ARPP21: variants seen among roughly 807,000 people sequenced by gnomAD.
ARPP21 encodes cAMP-regulated phosphoprotein 21.
In ARPP21, 69 loss-of-function variants were observed where a neutral mutation model predicts 113.2. The observed-to-expected ratio is 0.61, with a 90% CI of 0.50 to 0.74. The LOEUF (loss-of-function observed/expected upper bound fraction) is 0.74, where lower values mean the gene tolerates loss of function less well. Among genes scored for constraint, ARPP21 ranks in the 30% least tolerant of loss-of-function variants. The probability of loss-of-function intolerance (pLI) is 0.00; values close to 1 mark genes in which losing one functional copy is unlikely to be tolerated. For synonymous variants in ARPP21, 368 were observed against 375.5 expected (o/e 0.98, Z 0.23); for missense variants, 1,070 against 1,037.4 (o/e 1.03, Z -0.43).
intron 19 of ARPP21, among the ~76,000 whole-genome samples, chr3:35,776,709 T>G (rs2096380075): frequency 6.6e-6 from 1 of 152,130 alleles, no homozygotes; most frequent in Non-Finnish European, 1.5e-5. Flanking sequence ...GAGACCTCAA[T>G]TTTCTCCGAA....
chr3:35,780,757 C>T (rs1054367094), intron 19 of ARPP21, among the ~76,000 whole-genome samples: 3 of 152,070 alleles, frequency 2.0e-5, no homozygotes, highest in Admixed American at 1.3e-4. Context: ...AGAATCTAAG[C>T]GTCTGGGCAT....
chr3:35,758,508 T>C (rs2095651673), intron 19 of ARPP21, among the ~76,000 whole-genome samples: 1 of 152,020 alleles, frequency 6.6e-6, no homozygotes, highest in Non-Finnish European at 1.5e-5. Context: ...CTCTTTGAGT[T>C]GGAGTCTACC....
chr3:35,697,455 A>C (rs1348900107), intron 9 of ARPP21, among the ~76,000 whole-genome samples: 1 of 151,668 alleles, frequency 6.6e-6, no homozygotes, highest in Non-Finnish European at 1.5e-5. Flanking sequence ...TATGTTCCAG[A>C]AAGGATGAGT....
chr3:35,759,674 CTCTG>C (rs1198827528), intron 19 of ARPP21, among the ~76,000 whole-genome samples: 6 of 130,586 alleles, frequency 4.6e-5, no homozygotes, highest in South Asian at 2.5e-4. Flanking sequence ...CATTTTCTCT[CTCTG>C]TGTGTGTGTG....
chr3:35,685,112 C>G (rs2080160638), intron 5 of ARPP21: 1 of 985,304 alleles, frequency 1.0e-6, no homozygotes, highest in Non-Finnish European at 1.2e-6. Context: ...TTGTCCCCCA[C>G]TCCTAATGCC....
intron 11 of ARPP21, 25 bp from the exon 12 acceptor site, chr3:35,715,414 C>A (rs1297431688): frequency 2.5e-6 from 4 of 1,609,526 alleles, no homozygotes; most frequent in Non-Finnish European, 3.4e-6. Flanking sequence ...AACTTCTGAT[C>A]CAATGCCTTT....
In ARPP21 at chr3:35,739,421, G is replaced by A. The variant is rs2150754221; in HGVS notation, c.1854G>A (p.Met618Ile). 1 of 1,614,100 alleles carries A rather than the reference G, an allele frequency of 6.2e-7. No homozygotes were observed. Among genetic ancestry groups the A allele is most frequent in the Non-Finnish European group, 8.5e-7 (1 of 1,180,020 alleles). Residue 618 changes from methionine (M) to isoleucine (I), a missense_variant, in exon 18 of 21, where the codon ATG (methionine) becomes ATA (isoleucine). Met to Ile is a conservative substitution (Grantham distance 10). Transcript: ENST00000684406. ...GTCCTGTCTACCCATCCTCCCTTAT[G>A]CCACAGCCGGCCCAGCAGCCCAGCT... ...PSGPVYPSSL[M>I]PQPAQQPSYV...
At chr3:35,729,240 C>A in intron 14 of ARPP21, 63 bp from the exon 15 acceptor site, 3 of 1,160,624 alleles carry the variant, frequency 2.6e-6, no homozygotes, top group Non-Finnish European at 3.9e-6. Flanking sequence ...CATTTAGACT[C>A]AGATTGGTGC....
chr3:35,725,372 C>G (rs575821555), intron 14 of ARPP21, among the ~76,000 whole-genome samples: 4 of 152,254 alleles, frequency 2.6e-5, no homozygotes, highest in African/African-American at 9.6e-5. Context: ...GGTGAGGAGC[C>G]TCTAGTCTGG....
At chr3:35,790,848 T>C (rs575952603) in intron 19 of ARPP21, among the ~76,000 whole-genome samples, 1 of 152,338 alleles carries the variant, frequency 6.6e-6, no homozygotes. Flanking sequence ...GAAACCACTA[T>C]GAAGATAATT....
At chr3:35,723,239 G>A (rs2093266398) in intron 14 of ARPP21, among the ~76,000 whole-genome samples, 1 of 152,132 alleles carries the variant, frequency 6.6e-6, no homozygotes, top group Admixed American at 6.5e-5. Context: ...AGGGCCAAGG[G>A]GTTCCCCACC....
chr3:35,733,541 C>T (rs1406952719), intron 15 of ARPP21, among the ~76,000 whole-genome samples: 4 of 152,322 alleles, frequency 2.6e-5, no homozygotes, highest in East Asian at 3.9e-4. Flanking sequence ...CCAGCCAGTC[C>T]GTTTTTCCTC....
At chr3:35,758,847 T>C (rs1446759139) in intron 19 of ARPP21, among the ~76,000 whole-genome samples, 1 of 151,986 alleles carries the variant, frequency 6.6e-6, no homozygotes, top group Non-Finnish European at 1.5e-5. Context: ...AAAGGGAAAT[T>C]GGGTTTTAAA....
intron 1 of ARPP21, among the ~76,000 whole-genome samples, chr3:35,673,170 C>T (rs905873434): frequency 1.8e-4 from 28 of 152,002 alleles, no homozygotes; most frequent in African/African-American, 6.8e-4. Context: ...CCCTTTGTTC[C>T]TGTGTCTTCT....
chr3:35,746,435 G>A (rs1364185503), intron 19 of ARPP21, among the ~76,000 whole-genome samples: 1 of 152,152 alleles, frequency 6.6e-6, no homozygotes, highest in East Asian at 1.9e-4. Context: ...TCTCATAGAG[G>A]AAAGAGCCTC....
intron 19 of ARPP21, among the ~76,000 whole-genome samples, chr3:35,757,755 T>C (rs2095625117): frequency 6.6e-6 from 1 of 152,164 alleles, no homozygotes; most frequent in Non-Finnish European, 1.5e-5. Flanking sequence ...TATGTATATA[T>C]GCATGTTGTA....
chr3:35,650,435 T>C (rs969841571), intron 1 of ARPP21: 1 of 152,120 alleles, frequency 6.6e-6, no homozygotes, highest in African/African-American at 2.4e-5. Flanking sequence ...GAACAATGAA[T>C]TGAGTAATTG....
At position 35,674,762 on chromosome 3, in the gene ARPP21, A is replaced by G. The variant is rs576725275; in HGVS notation, c.-212-5025A>G. Among the ~76,000 whole-genome samples, 49 of 151,996 alleles carry G rather than the reference A, an allele frequency of 3.2e-4. 1 individual carries two copies. The highest frequency in any genetic ancestry group is 3.4e-3 in the Middle Eastern group (1 of 294). ...TTAGAAACCCAAATGTGTCCATGTG[A>G]TTTGGGGGATAAAACCAAGAAAGAG... On this transcript the variant is annotated intron_variant, in intron 1 of 20. Coordinates refer to ENST00000684406, the MANE Select transcript of ARPP21 (RefSeq NM_001385562.1).
intron 5 of ARPP21, chr3:35,685,319 A>G: frequency 1.0e-6 from 1 of 985,394 alleles, no homozygotes; most frequent in Non-Finnish European, 1.2e-6. Context: ...CTCAGAAACC[A>G]AGACTAGCTT....
Sources: allele counts gnomAD v4.1 joint callset (sites outside exome capture counted in the v4.1 genomes callset), GRCh38; gene constraint gnomAD v4.1.1; transcripts MANE v1.5; gene names NCBI Gene and HGNC (gene_info 2026-07-23, HGNC 2026-07-21).